The following HDDC2 variants were observed in gnomAD, a reference collection of about 807,000 sequenced individuals.
The protein encoded by HDDC2 is HD domain containing 2, also known as 5'-deoxynucleotidase HDDC2.
In HDDC2, 25 loss-of-function variants were observed where a neutral mutation model predicts 25.5. The ratio of observed to expected loss-of-function variants is 0.98; its 90% CI spans 0.72 to 1.37. HDDC2 has a LOEUF of 1.37. Ranked by LOEUF, HDDC2 falls within the 40% of genes most tolerant of loss-of-function variation. The pLI, the probability that HDDC2 is intolerant of heterozygous loss-of-function variation, is 0.00. For synonymous variants in HDDC2, 106 were observed against 89.7 expected (o/e 1.18, Z -1.03); for missense variants, 264 against 253.1 (o/e 1.04, Z -0.29).
At chr6:125,298,400 A>T (rs1028569274) in intron 3 of HDDC2, among the ~76,000 whole-genome samples, 1 of 152,156 alleles carries the variant, frequency 6.6e-6, no homozygotes, top group African/African-American at 2.4e-5. Context: ...ACCCCCTAAA[A>T]CTGGGTCAAC....
intron 4 of HDDC2, among the ~76,000 whole-genome samples, chr6:125,289,518 A>C (rs988973720): frequency 6.0e-5 from 6 of 99,342 alleles, no homozygotes; most frequent in African/African-American, 3.5e-4. Flanking sequence ...AACAAAACAA[A>C]AAAAACAAAA....
intron 1 of HDDC2, among the ~76,000 whole-genome samples, chr6:125,301,490 A>ACGCG (rs369025469): frequency 1.2e-4 from 16 of 131,098 alleles, no homozygotes; most frequent in African/African-American, 5.2e-4. Context: ...GAGCACACAC[A>ACGCG]CACACACACA....
In HDDC2 at chr6:125,298,731, T is replaced by C. The variant is rs778100754; in HGVS notation, c.292A>G (p.Lys98Glu). ...APADNIPKEE[K>E]HRREEEAMKQ... ...ACACTGACCTCTTCTCGCCTATGTTTTTCTTCTTTGGGGATGTTATCTGCT... is the reference window on the plus strand; with the variant it reads ...ACACTGACCTCTTCTCGCCTATGTTCTTCTTCTTTGGGGATGTTATCTGCT... The change falls in exon 3 of 6, where the codon AAA becomes GAA. Residue 98 changes from lysine to glutamate, a missense_variant. Coordinates refer to ENST00000398153, the MANE Select transcript of HDDC2 (RefSeq NM_016063.3). The C allele has an allele frequency of 6.8e-6, 11 of 1,613,962 alleles. No individual in the cohort carries two copies. The highest frequency in any genetic ancestry group is 9.3e-6 in the Non-Finnish European group (11 of 1,179,926).
chr6:125,301,482 G>GCACACACACGCGCGCACACACACACA (rs1412473241), intron 1 of HDDC2, among the ~76,000 whole-genome samples: 11 of 120,344 alleles, frequency 9.1e-5, no homozygotes, highest in African/African-American at 3.7e-4. Context: ...GGGGTCGTGA[G>GCACACACACGCGCGCACACACACACA]CACACACACA....
At chr6:125,291,593 A>C (rs1438261592) in intron 4 of HDDC2, among the ~76,000 whole-genome samples, 1 of 152,160 alleles carries the variant, frequency 6.6e-6, no homozygotes, top group Non-Finnish European at 1.5e-5. Flanking sequence ...GGTCAGGTCA[A>C]ATTTCCTAAA....
intron 5 of HDDC2, 116 bp from the exon 6 acceptor site, chr6:125,276,359 C>A (rs1035130292): frequency 9.5e-6 from 7 of 737,990 alleles, no homozygotes; most frequent in African/African-American, 7.0e-5. Context: ...CTGACCCACA[C>A]TTCATTCCAA....
intron 4 of HDDC2, among the ~76,000 whole-genome samples, chr6:125,280,015 T>C (rs2115101412): frequency 6.6e-6 from 1 of 152,260 alleles, no homozygotes; most frequent in African/African-American, 2.4e-5. Context: ...AGGTGGGTGA[T>C]TTCTGCATTT....
At chr6:125,300,472 A>G (rs2243390) in intron 2 of HDDC2, 66 bp downstream of exon 2, 297,190 of 1,546,854 alleles carry the variant, frequency 0.19, 35,717 homozygotes, top group African/African-American at 0.6. Context: ...GGGTCTCAGT[A>G]GTAAAAACGG....
At chr6:125,290,890 T>C (rs1013305615) in intron 4 of HDDC2, among the ~76,000 whole-genome samples, 3 of 152,250 alleles carry the variant, frequency 2.0e-5, no homozygotes, top group Non-Finnish European at 4.4e-5. Flanking sequence ...TCTAAATAGC[T>C]TTTGTAGCAT....
At chr6:125,288,197 T>G (rs1411194964) in intron 4 of HDDC2, among the ~76,000 whole-genome samples, 1 of 152,126 alleles carries the variant, frequency 6.6e-6, no homozygotes, top group East Asian at 1.9e-4. Flanking sequence ...CAAGAATACT[T>G]GCTATAAAAT....
intron 4 of HDDC2, chr6:125,278,655 A>G (rs1015343260): frequency 2.6e-5 from 4 of 152,212 alleles, no homozygotes; most frequent in Admixed American, 6.5e-5. Flanking sequence ...AATGTCAGGA[A>G]GAGTTAGGTT....
chr6:125,292,227 C>T (rs1175048268), intron 4 of HDDC2, among the ~76,000 whole-genome samples: 1 of 151,822 alleles, frequency 6.6e-6, no homozygotes, highest in Non-Finnish European at 1.5e-5. Flanking sequence ...TTTTTTTTTC[C>T]CTTCACAAAT....
At chr6:125,296,844 C>T (rs1798712136) in intron 3 of HDDC2, among the ~76,000 whole-genome samples, 1 of 152,218 alleles carries the variant, frequency 6.6e-6, no homozygotes, top group South Asian at 2.1e-4. Flanking sequence ...CCAGCCAGGA[C>T]TCAGCTCTTG....
intron 4 of HDDC2, 133 bp downstream of exon 4, chr6:125,292,708 T>C: frequency 1.4e-6 from 1 of 723,910 alleles, no homozygotes; most frequent in South Asian, 1.7e-5. Flanking sequence ...AGCTGGGAAG[T>C]GAGAAACAGA....
At chr6:125,296,512 C>G (rs1435794523) in intron 3 of HDDC2, among the ~76,000 whole-genome samples, 1 of 152,122 alleles carries the variant, frequency 6.6e-6, no homozygotes, top group Non-Finnish European at 1.5e-5. Flanking sequence ...TCATAAACAC[C>G]ATCTGCATAA....
Position 125,277,168 on chromosome 6 carries a change from C to T in HDDC2, c.451G>A (p.Ala151Thr). 1 of 1,614,016 alleles carries T rather than the reference C, an allele frequency of 6.2e-7. No individual in the cohort carries two copies. Among genetic ancestry groups the T allele is most frequent in the Non-Finnish European group, 8.5e-7 (1 of 1,179,914 alleles). Residue 151 changes from alanine (A) to threonine (T), a missense_variant, in exon 5 of 6, where the codon GCA becomes ACA. Coordinates refer to ENST00000398153, the MANE Select transcript of HDDC2 (RefSeq NM_016063.3). ...QLDQCEMILQASEYEDLEHKP... is the reference protein window; with the variant it reads ...QLDQCEMILQTSEYEDLEHKP... ...TGTTCAAGGTCTTCATATTCAGATG[C>T]TTGAAGAATCATTTCACATTGGTCT...
In HDDC2 at chr6:125,275,398, T is replaced by C. The variant is rs1005508850; in HGVS notation, c.*748A>G. 6.6e-6 allele frequency: 1 copy of C among 152,226 alleles called. No individual in the cohort carries two copies. Among genetic ancestry groups the C allele is most frequent in the Non-Finnish European group, 1.5e-5 (1 of 68,038 alleles). 9.4% of individuals were successfully genotyped at this position (152,226 alleles called of 1,614,324 possible). ...AAAAGAGAGGAAGAAATCGGGTTGA[T>C]ATATTCCCTACCTGAGGCTCAATGA... On this transcript the variant is annotated 3_prime_UTR_variant, in exon 6 of 6. Transcript: ENST00000398153.
chr6:125,298,511 A>C, intron 3 of HDDC2: 1 of 588,852 alleles, frequency 1.7e-6, no homozygotes, highest in South Asian at 2.2e-5. Flanking sequence ...CTAGTTGCCT[A>C]ACTTGTCAGA....
At chr6:125,301,187 A>C (rs1798796101) in intron 1 of HDDC2, among the ~76,000 whole-genome samples, 1 of 152,198 alleles carries the variant, frequency 6.6e-6, no homozygotes, top group Non-Finnish European at 1.5e-5. Context: ...TCAGAATTCT[A>C]CATCTCTAAG....
Sources: allele counts gnomAD v4.1 joint callset (sites outside exome capture counted in the v4.1 genomes callset), GRCh38; gene constraint gnomAD v4.1.1; transcripts MANE v1.5; gene names NCBI Gene and HGNC (gene_info 2026-07-23, HGNC 2026-07-21).